Variants in ASH1L observed in about 807,000 individuals in gnomAD.
The protein encoded by ASH1L is ASH1 like histone lysine methyltransferase.
Under a neutral mutation model 269.0 loss-of-function variants are expected in ASH1L, and 23 were observed. That is an observed-to-expected ratio of 0.09 (90% confidence interval 0.06 to 0.12). ASH1L has a LOEUF of 0.12. Ranked by LOEUF, ASH1L falls within the 10% of genes least tolerant of loss-of-function variation. The pLI, the probability that ASH1L is intolerant of heterozygous loss-of-function variation, is 1.00. For missense variants in ASH1L, 2,912 were observed against 3,567.8 expected, an observed-to-expected ratio of 0.82 and a Z score of 4.68; for synonymous variants, 1,187 against 1,253.5, an observed-to-expected ratio of 0.95 and a Z score of 1.12.
chr1:155,377,135 G>A (rs1347825538), intron 10 of ASH1L, among the ~76,000 whole-genome samples: 2 of 151,250 alleles, frequency 1.3e-5, no homozygotes, highest in African/African-American at 4.9e-5. Context: ...TTGAACTCCC[G>A]ACCTCAGGTG....
intron 6 of ASH1L, among the ~76,000 whole-genome samples, chr1:155,412,833 G>A (rs1276901092): frequency 6.6e-6 from 1 of 151,560 alleles, no homozygotes; most frequent in African/African-American, 2.4e-5. Flanking sequence ...CCCAGCTGCT[G>A]CCTATTGCTT....
intron 1 of ASH1L, among the ~76,000 whole-genome samples, chr1:155,540,109 A>T (rs1264965099): frequency 1.3e-5 from 2 of 152,016 alleles, no homozygotes; most frequent in African/African-American, 2.4e-5. Flanking sequence ...CCCTGCTTAA[A>T]ATCTTTGAAT....
rs759986414 is a variant in ASH1L at position 155,479,368 on chromosome 1, G to T, written c.3502C>A (p.Pro1168Thr). ...RRRLSPPTLL[P>T]NSPSHLSELT... ...TCACTCAAGTGCGAAGGAGAATTTG[G>T]CAACAAAGTAGGAGGAGATAACCGC... Residue 1168 changes from proline (P) to threonine (T), a missense_variant, in exon 3 of 28, where the codon CCA (proline) becomes ACA (threonine). Transcript: ENST00000392403. 6.2e-7 allele frequency: 1 copy of T among 1,614,080 alleles called. No individual in the cohort carries two copies. Among genetic ancestry groups the T allele is most frequent in the South Asian group, 1.1e-5 (1 of 91,080 alleles).
At position 155,479,813 on chromosome 1, in the gene ASH1L, A is replaced by G. The variant is rs569585044; in HGVS notation, c.3057T>C (p.His1019=). The part of the protein sequence containing the change: ...SNKGKVQSKL[H]NTVSSLAATF... ...TGGCAGCAAGACTTGATACCGTATT[A>G]TGGAGTTTGGATTGCACTTTCCCTT... Residue 1019 remains histidine (H), a synonymous_variant, in exon 3 of 28, where the codon CAT becomes CAC. Transcript: ENST00000392403. 4.5e-5 allele frequency: 73 copies of G among 1,614,174 alleles called. No homozygotes were observed. The highest frequency in any genetic ancestry group is 2.3e-4 in the Admixed American group (14 of 60,030).
chr1:155,529,983 A>G (rs867775488), intron 1 of ASH1L, among the ~76,000 whole-genome samples: 23 of 147,294 alleles, frequency 1.6e-4, no homozygotes, highest in African/African-American at 4.4e-4. Flanking sequence ...TAAAAAAAAT[A>G]AAAAAAAAAG....
chr1:155,551,596 C>A (rs1671217159), intron 1 of ASH1L, among the ~76,000 whole-genome samples: 1 of 127,756 alleles, frequency 7.8e-6, no homozygotes, highest in Non-Finnish European at 1.7e-5. Context: ...GGAGGCGGAG[C>A]TTGCAGTGAG....
chr1:155,378,368 G>A lies in ASH1L; in HGVS notation c.6245C>T (p.Pro2082Leu). Reference protein sequence around the residue: ...IRSNVYVDVKPLSGYEATTCN... With the variant: ...IRSNVYVDVKLLSGYEATTCN... ...GGTGGTAGCTTCGTAACCAGAAAGG[G>A]GTTTGACATCAACGTAGACATCTTG... The change falls in exon 10 of 28, where the codon CCC (proline) becomes CTC (leucine). Residue 2082 changes from proline to leucine, a missense_variant. Around this residue, in one of 13 missense-constraint regions of ASH1L, gnomAD observed 193 missense variants for 311.6 expected, o/e 0.62. Coordinates refer to ENST00000392403, the MANE Select transcript of ASH1L (RefSeq NM_018489.3). 1 of 1,614,084 alleles carries A rather than the reference G, an allele frequency of 6.2e-7. No homozygotes were observed.
chr1:155,538,137 G>A (rs950704794), intron 1 of ASH1L, among the ~76,000 whole-genome samples: 2 of 151,516 alleles, frequency 1.3e-5, no homozygotes, highest in African/African-American at 4.9e-5. Context: ...TGAGTCTCCT[G>A]TCTCAGCCTC....
intron 1 of ASH1L, among the ~76,000 whole-genome samples, chr1:155,527,880 G>A (rs757292022): frequency 2.0e-5 from 3 of 151,908 alleles, no homozygotes; most frequent in Admixed American, 1.3e-4. Flanking sequence ...TTCCTCACTG[G>A]CTACTACCCT....
At chr1:155,440,846 C>T (rs569333453) in intron 4 of ASH1L, among the ~76,000 whole-genome samples, 1 of 152,206 alleles carries the variant, frequency 6.6e-6, no homozygotes, top group East Asian at 1.9e-4. Flanking sequence ...ATTTCATTTT[C>T]GCTCCCTTCA....
At chr1:155,423,798 C>T (rs1284331733) in intron 5 of ASH1L, among the ~76,000 whole-genome samples, 2 of 152,100 alleles carry the variant, frequency 1.3e-5, no homozygotes, top group African/African-American at 2.4e-5. Flanking sequence ...TGGCGTGATT[C>T]GGCGCACTGC....
Position 155,394,542 on chromosome 1 carries a change from T to C in ASH1L, c.6103+917A>G, listed in dbSNP as rs78966655. 6.8e-3 allele frequency among the ~76,000 whole-genome samples: 1,039 copies of C among 152,122 alleles called. 4 individuals are homozygous for C. The highest frequency in any genetic ancestry group is 0.016 in the South Asian group (75 of 4,812). ...CAGACTTGAGAGATAGCAATGAGAT[T>C]TGGAGAGGAGTAGGATATATTTCAG... On this transcript the variant is annotated intron_variant, in intron 7 of 27. Transcript: ENST00000392403.
intron 2 of ASH1L, among the ~76,000 whole-genome samples, 188 bp downstream of exon 2, chr1:155,520,912 A>G (rs1371544734): frequency 6.6e-6 from 1 of 152,250 alleles, no homozygotes; most frequent in Non-Finnish European, 1.5e-5. Context: ...GTACAAATAC[A>G]TACATGGTTA....
At chr1:155,417,653 C>G (rs1039479565) in intron 5 of ASH1L, among the ~76,000 whole-genome samples, 17 of 152,126 alleles carry the variant, frequency 1.1e-4, no homozygotes, top group African/African-American at 4.1e-4. Flanking sequence ...CTTAATTATC[C>G]TGAAAGGAAG....
chr1:155,377,931 G>C (rs968764099), intron 10 of ASH1L, among the ~76,000 whole-genome samples: 1 of 151,950 alleles, frequency 6.6e-6, no homozygotes, highest in Non-Finnish European at 1.5e-5. Flanking sequence ...GCTGAGGCAG[G>C]AGAATGGTGT....
At chr1:155,408,622 C>G (rs1359536342) in intron 6 of ASH1L, among the ~76,000 whole-genome samples, 1 of 152,120 alleles carries the variant, frequency 6.6e-6, no homozygotes, top group Non-Finnish European at 1.5e-5. Context: ...GATAAGTAAT[C>G]TGAAGACATG....
At chr1:155,548,631 A>G (rs1571133410) in intron 1 of ASH1L, among the ~76,000 whole-genome samples, 1 of 152,242 alleles carries the variant, frequency 6.6e-6, no homozygotes, top group East Asian at 1.9e-4. Context: ...GGAAGGTGTT[A>G]GTCCTCAAAT....
At chr1:155,426,116 G>C (rs2148579486) in intron 5 of ASH1L, among the ~76,000 whole-genome samples, 1 of 152,070 alleles carries the variant, frequency 6.6e-6, no homozygotes, top group East Asian at 1.9e-4. Context: ...CCAGGCTGGA[G>C]TGCAATGGCA....
intron 3 of ASH1L, among the ~76,000 whole-genome samples, chr1:155,471,921 C>T (rs142043501): frequency 6.6e-6 from 1 of 152,242 alleles, no homozygotes; most frequent in Non-Finnish European, 1.5e-5. Flanking sequence ...TGTACAACAT[C>T]CAATTGGTGA....
Sources: gnomAD v4.1 joint callset for allele counts (sites outside exome capture counted in the v4.1 genomes callset) on GRCh38, gnomAD v4.1.1 for gene constraint, gnomAD v4.1.1 regional missense constraint, MANE v1.5 for transcripts, NCBI Gene and HGNC (gene_info 2026-07-23, HGNC 2026-07-21) for gene names.